Variants in NSMCE2 observed in about 807,000 individuals in gnomAD.
NSMCE2 encodes E3 SUMO-protein ligase NSE2.
Under a neutral mutation model 23.8 loss-of-function variants are expected in NSMCE2, and 24 were observed. That is an observed-to-expected ratio of 1.01 (90% CI 0.73 to 1.42). NSMCE2 has a LOEUF of 1.42. Ranked by LOEUF, NSMCE2 falls within the 40% of genes most tolerant of loss-of-function variation. The probability of loss-of-function intolerance (pLI) is 0.00; values close to 1 mark genes in which losing one functional copy is unlikely to be tolerated. For synonymous variants in NSMCE2, 92 were observed against 94.1 expected (o/e 0.98, Z 0.13); for missense variants, 284 against 296.5 (o/e 0.96, Z 0.31).
At chr8:125,361,700 C>G (rs550879636) in intron 7 of NSMCE2, among the ~76,000 whole-genome samples, 1 of 152,108 alleles carries the variant, frequency 6.6e-6, no homozygotes, top group African/African-American at 2.4e-5. Flanking sequence ...CTTTTGGGAG[C>G]GAAGAGCGCT....
chr8:125,331,154 G>A (rs1339781349), intron 5 of NSMCE2, among the ~76,000 whole-genome samples: 2 of 152,010 alleles, frequency 1.3e-5, no homozygotes, highest in African/African-American at 4.8e-5. Context: ...ACAAAAATTA[G>A]CCGGACTTGG....
chr8:125,190,311 G>A (rs1265711796), intron 5 of NSMCE2, among the ~76,000 whole-genome samples: 2 of 152,116 alleles, frequency 1.3e-5, no homozygotes, highest in African/African-American at 4.8e-5. Flanking sequence ...CATTGCAGCT[G>A]AAGAGGTTAT....
intron 5 of NSMCE2, among the ~76,000 whole-genome samples, chr8:125,196,203 C>CTT (rs59684072): frequency 8.2e-5 from 11 of 133,996 alleles, no homozygotes; most frequent in South Asian, 2.4e-4. Flanking sequence ...TTTTTTTTTT[C>CTT]TTTTTTTTTT....
intron 7 of NSMCE2, among the ~76,000 whole-genome samples, chr8:125,358,671 A>G (rs1048563707): frequency 1.3e-5 from 2 of 152,046 alleles, no homozygotes; most frequent in Admixed American, 1.3e-4. Flanking sequence ...CAGGAATGGA[A>G]TTGCAGGTGT....
intron 5 of NSMCE2, among the ~76,000 whole-genome samples, chr8:125,197,953 A>C (rs967566032): frequency 6.6e-6 from 1 of 152,112 alleles, no homozygotes; most frequent in Non-Finnish European, 1.5e-5. Flanking sequence ...TTTTGTAGCA[A>C]TTGTGAATGG....
intron 3 of NSMCE2, chr8:125,126,963 C>T (rs2130536086): frequency 6.6e-6 from 1 of 152,260 alleles, no homozygotes; most frequent in South Asian, 2.1e-4. Flanking sequence ...GGTTCTTTCG[C>T]AGGTGAGAGA....
intron 3 of NSMCE2, among the ~76,000 whole-genome samples, chr8:125,131,882 T>C (rs903963864): frequency 1.3e-5 from 2 of 152,210 alleles, no homozygotes; most frequent in African/African-American, 4.8e-5. Flanking sequence ...GTGTGTTTAC[T>C]AACTTGAATT....
chr8:125,346,933 C>A (rs1340181903), intron 5 of NSMCE2, among the ~76,000 whole-genome samples: 1 of 152,138 alleles, frequency 6.6e-6, no homozygotes, highest in Non-Finnish European at 1.5e-5. Context: ...GTATATCTTA[C>A]TAAAATGTCA....
chr8:125,341,143 T>C (rs575782205), intron 5 of NSMCE2, among the ~76,000 whole-genome samples: 72 of 152,250 alleles, frequency 4.7e-4, no homozygotes, highest in African/African-American at 1.6e-3. Flanking sequence ...TTAGAGTAAC[T>C]GGAGAGCTGC....
At chr8:125,093,023 CCTT>C (rs777815530) in intron 1 of NSMCE2, among the ~76,000 whole-genome samples, 1 of 152,186 alleles carries the variant, frequency 6.6e-6, no homozygotes, top group African/African-American at 2.4e-5. Flanking sequence ...GGGGTAAAAT[CCTT>C]CTTGGTTGAG....
At chr8:125,215,412 A>G (rs1345738415) in intron 5 of NSMCE2, among the ~76,000 whole-genome samples, 8 of 151,422 alleles carry the variant, frequency 5.3e-5, no homozygotes, top group Admixed American at 1.3e-4. Flanking sequence ...TGGTGTATAT[A>G]TGCCACATTT....
At chr8:125,349,079 A>C (rs116845445) in intron 5 of NSMCE2, among the ~76,000 whole-genome samples, 4,744 of 151,128 alleles carry the variant, frequency 0.031, 159 homozygotes, top group South Asian at 0.17. Context: ...CTTAATTCCA[A>C]ACCAAAAGAA....
At chr8:125,221,950 ACACT>A (rs1824880209) in intron 5 of NSMCE2, among the ~76,000 whole-genome samples, 1 of 152,196 alleles carries the variant, frequency 6.6e-6, no homozygotes, top group African/African-American at 2.4e-5. Flanking sequence ...CATAAAGTAG[ACACT>A]CAATAAAAAA....
At chr8:125,323,337 G>A (rs926576443) in intron 5 of NSMCE2, among the ~76,000 whole-genome samples, 2 of 152,068 alleles carry the variant, frequency 1.3e-5, no homozygotes, top group Admixed American at 1.3e-4. Flanking sequence ...AGGACATACA[G>A]CATCCAAAAT....
chr8:125,176,389 T>C (rs1586566682), intron 4 of NSMCE2, among the ~76,000 whole-genome samples: 1 of 152,366 alleles, frequency 6.6e-6, no homozygotes, highest in African/African-American at 2.4e-5. Flanking sequence ...TCTTAACTCT[T>C]ACACTTTTTC....
At chr8:125,215,171 C>T (rs1365205282) in intron 5 of NSMCE2, among the ~76,000 whole-genome samples, 2 of 150,172 alleles carry the variant, frequency 1.3e-5, no homozygotes, top group East Asian at 3.9e-4. Flanking sequence ...AGTTATATCT[C>T]CCAGTGCTAT....
At chr8:125,357,521 T>G (rs183258309) in intron 6 of NSMCE2, among the ~76,000 whole-genome samples, 191 bp from the exon 7 acceptor site, 1 of 152,352 alleles carries the variant, frequency 6.6e-6, no homozygotes, top group East Asian at 1.9e-4. Flanking sequence ...GATCCGGGAC[T>G]AAAGTCATGG....
At chr8:125,149,632 TAAC>T (rs1820883477) in intron 3 of NSMCE2, among the ~76,000 whole-genome samples, 1 of 152,214 alleles carries the variant, frequency 6.6e-6, no homozygotes, top group Non-Finnish European at 1.5e-5. Flanking sequence ...AAAGCACTTG[TAAC>T]AACATTACCT....
chr8:125,110,262 G>T (rs1189688602), intron 3 of NSMCE2, among the ~76,000 whole-genome samples: 1 of 152,192 alleles, frequency 6.6e-6, no homozygotes, highest in African/African-American at 2.4e-5. Flanking sequence ...AGGATTAAAA[G>T]TTTTACCAGA....
Sources: gnomAD v4.1 joint callset for allele counts (sites outside exome capture counted in the v4.1 genomes callset) on GRCh38, gnomAD v4.1.1 for gene constraint, MANE v1.5 for transcripts, NCBI Gene and HGNC (gene_info 2026-07-23, HGNC 2026-07-21) for gene names.